Variants in TFEC observed in about 807,000 individuals in gnomAD.
TFEC encodes transcription factor EC, also known as class E basic helix-loop-helix protein 34.
TFEC carries 31 observed loss-of-function variants against 41.6 expected under a neutral mutation model. The observed-to-expected ratio is 0.74, with a 90% CI of 0.56 to 1.01. The LOEUF is 1.01. Ranked by LOEUF, TFEC falls within the 50% of genes least tolerant of loss-of-function variation. TFEC has a pLI of 0.00. For synonymous variants in TFEC, 143 were observed against 140.6 expected, an observed-to-expected ratio of 1.02 and a Z score of -0.12; for missense variants, 402 against 404.1, an observed-to-expected ratio of 0.99 and a Z score of 0.04.
At chr7:115,982,979 A>G (rs558609479) in intron 2 of TFEC, among the ~76,000 whole-genome samples, 2 of 152,280 alleles carry the variant, frequency 1.3e-5, no homozygotes, top group East Asian at 1.9e-4. Context: ...GCATATGCAT[A>G]TCCTTCAAGA....
intron 1 of TFEC, among the ~76,000 whole-genome samples, chr7:116,008,669 TTCAAATCTTTCTTTCC>T (rs1316575309): frequency 6.6e-6 from 1 of 152,206 alleles, no homozygotes; most frequent in African/African-American, 2.4e-5. Context: ...AACTCATTTC[TTCAAATCTTTCTTTCC>T]TCACAGCAGT....
intron 3 of TFEC, among the ~76,000 whole-genome samples, chr7:116,105,560 G>A (rs1298638394): frequency 1.3e-5 from 2 of 152,190 alleles, no homozygotes; most frequent in Non-Finnish European, 2.9e-5. Context: ...GGCTCTGTGG[G>A]TGAGACTCCA....
At position 115,938,557 on chromosome 7, in the gene TFEC, C is replaced by T. The variant is rs996087175; in HGVS notation, c.*1994G>A. The T allele has an allele frequency of 6.6e-6, 1 of 151,606 alleles. No homozygotes were observed. Among genetic ancestry groups the T allele is most frequent in the Admixed American group, 6.6e-5 (1 of 15,170 alleles). 9.4% of individuals were successfully genotyped at this position (151,606 alleles called of 1,614,324 possible). A position where few individuals can be genotyped will look rare whatever the true frequency, so the allele number is the denominator to read the frequency against. ...GTCAAACAATAAAATTATTTTAATT[C>T]TCCAAATTCTGAGCAAATGATACAA... On this transcript the variant is annotated 3_prime_UTR_variant, in exon 8 of 8. Coordinates refer to ENST00000265440, the MANE Select transcript of TFEC (RefSeq NM_012252.4).
chr7:116,129,263 T>C (rs1798280095), intron 1 of TFEC, among the ~76,000 whole-genome samples: 1 of 152,172 alleles, frequency 6.6e-6, no homozygotes, highest in Non-Finnish European at 1.5e-5. Context: ...CAGGAGACAG[T>C]GGTTCTTTAG....
intron 1 of TFEC, among the ~76,000 whole-genome samples, chr7:116,130,382 T>C (rs1205460330): frequency 6.6e-6 from 1 of 152,166 alleles, no homozygotes; most frequent in Non-Finnish European, 1.5e-5. Flanking sequence ...TGGCAGAAAT[T>C]TTCTCAAATG....
At chr7:116,010,759 C>T (rs554055962) in intron 1 of TFEC, among the ~76,000 whole-genome samples, 2 of 152,176 alleles carry the variant, frequency 1.3e-5, no homozygotes, top group South Asian at 4.1e-4. Context: ...TATTTTTCCC[C>T]CTTCTCCTTA....
chr7:116,040,249 A>C (rs767226335), intron 3 of TFEC, among the ~76,000 whole-genome samples: 5 of 152,170 alleles, frequency 3.3e-5, no homozygotes, highest in Admixed American at 2.6e-4. Context: ...ATTGCATTGG[A>C]AGGAATATTC....
intron 3 of TFEC, among the ~76,000 whole-genome samples, chr7:116,059,918 ATGT>A (rs1796513623): frequency 1.3e-5 from 2 of 152,050 alleles, no homozygotes; most frequent in Admixed American, 1.3e-4. Context: ...AATGACAAAA[ATGT>A]TGTCTCTTGC....
At chr7:116,004,107 AGAAAAG>A (rs895186986) in intron 1 of TFEC, among the ~76,000 whole-genome samples, 1 of 152,148 alleles carries the variant, frequency 6.6e-6, no homozygotes, top group Non-Finnish European at 1.5e-5. Flanking sequence ...AGTAAGTAGA[AGAAAAG>A]GAATAATAAC....
chr7:115,967,167 T>C (rs974554384), intron 3 of TFEC, among the ~76,000 whole-genome samples: 7 of 151,652 alleles, frequency 4.6e-5, no homozygotes, highest in African/African-American at 1.7e-4. Context: ...TAGTCACATA[T>C]TATATTTCCA....
intron 3 of TFEC, among the ~76,000 whole-genome samples, chr7:116,036,396 G>T (rs1160754707): frequency 6.6e-6 from 1 of 152,054 alleles, no homozygotes; most frequent in African/African-American, 2.4e-5. Context: ...TTCATATCAT[G>T]CAGAAAGCAG....
intron 1 of TFEC, among the ~76,000 whole-genome samples, chr7:115,999,108 A>C (rs531561472): frequency 2.6e-5 from 4 of 152,130 alleles, no homozygotes; most frequent in Non-Finnish European, 5.9e-5. Flanking sequence ...TAAGTCTTAA[A>C]AATTTTAAAA....
intron 2 of TFEC, 118 bp from the exon 3 acceptor site, chr7:115,974,374 G>T: frequency 3.7e-6 from 1 of 272,474 alleles, no homozygotes; most frequent in Non-Finnish European, 6.1e-6. Context: ...TTTAAATTGA[G>T]GTTATATATA....
In TFEC at chr7:115,942,031, G is replaced by C; in HGVS notation, c.525C>G (p.Arg175=). 6.2e-7 allele frequency: 1 copy of C among 1,612,248 alleles called. No individual in the cohort carries two copies. ...CTTTTAGAATGGTTCCTTTGTTCCA[G>C]CGCATATCACTGTAGAATGGAGAGA... ...LIPKSNDPDM[R]WNKGTILKAS... is the part of the protein sequence containing the mutation. Residue 175 remains arginine, a synonymous_variant, in exon 7 of 8, where the codon CGC becomes CGG. Transcript: ENST00000265440.
chr7:115,976,937 AC>A (rs1793409558), intron 2 of TFEC, among the ~76,000 whole-genome samples: 2 of 152,138 alleles, frequency 1.3e-5, no homozygotes, highest in Non-Finnish European at 2.9e-5. Context: ...CCAGAAAGAA[AC>A]TTTTCTTTGT....
At chr7:115,996,355 A>G (rs755096177) in intron 1 of TFEC, among the ~76,000 whole-genome samples, 4 of 152,106 alleles carry the variant, frequency 2.6e-5, no homozygotes, top group Non-Finnish European at 5.9e-5. Context: ...ACTTCATAGC[A>G]GGGAAGGATC....
intron 3 of TFEC, among the ~76,000 whole-genome samples, chr7:116,051,706 G>A (rs12537643): frequency 0.23 from 34,626 of 152,008 alleles, 4,166 homozygotes; most frequent in East Asian, 0.39. Context: ...TCATGGAGGA[G>A]GAGGAAAGAG....
intron 1 of TFEC, among the ~76,000 whole-genome samples, chr7:116,027,173 T>C (rs7793323): frequency 0.37 from 56,744 of 152,000 alleles, 11,175 homozygotes; most frequent in East Asian, 0.75. Context: ...TATAGACAGA[T>C]TGTCAATAAT....
chr7:116,103,214 A>G (rs1797642700), intron 3 of TFEC, among the ~76,000 whole-genome samples: 1 of 152,198 alleles, frequency 6.6e-6, no homozygotes, highest in Non-Finnish European at 1.5e-5. Context: ...GCAGAGCAGG[A>G]AATGGGAATA....
Sources: allele counts gnomAD v4.1 joint callset (sites outside exome capture counted in the v4.1 genomes callset), GRCh38; gene constraint gnomAD v4.1.1; transcripts MANE v1.5; gene names NCBI Gene and HGNC (gene_info 2026-07-23, HGNC 2026-07-21).